Variants in HCN2 observed in about 807,000 individuals in gnomAD.
HCN2 encodes the protein potassium/sodium hyperpolarization-activated cyclic nucleotide-gated channel 2.
A neutral mutation model predicts 52.3 loss-of-function variants in HCN2; 20 were observed. The ratio of observed to expected loss-of-function variants is 0.38; its 90% CI spans 0.27 to 0.56. The LOEUF is 0.56. Ranked by LOEUF, HCN2 falls within the 20% of genes least tolerant of loss-of-function variation. The probability of loss-of-function intolerance (pLI) is 0.71; values close to 1 mark genes in which losing one functional copy is unlikely to be tolerated. For missense variants in HCN2, 981 were observed against 1,207.7 expected (o/e 0.81, Z 2.78); for synonymous variants, 694 against 537.0 (o/e 1.29, Z -4.04).
intron 3 of HCN2, among the ~76,000 whole-genome samples, chr19:606,282 G>A (rs753710559): frequency 2.0e-5 from 3 of 151,968 alleles, no homozygotes; most frequent in Non-Finnish European, 2.9e-5. Flanking sequence ...CGTACTTTTA[G>A]TAGAGACGGG....
Position 616,922 on chromosome 19 carries a change from G to A in HCN2, c.*448G>A, listed in dbSNP as rs1027382310. 60 of 355,668 alleles carry A rather than the reference G, an allele frequency of 1.7e-4. No homozygotes were observed. The highest frequency in any genetic ancestry group is 2.7e-4 in the Admixed American group (6 of 21,870). The allele number at this position is 355,668 out of a possible 1,614,324, so 22.0% of individuals were successfully genotyped here. On this transcript the variant is annotated 3_prime_UTR_variant, in exon 8 of 8. Transcript: ENST00000251287. ...CCCCATCGCGCTCACGCAATAACCG[G>A]CCCGGCCCCCGTCCGCGCGCGTCCC...
chr19:609,098 C>T (rs911828921), intron 4 of HCN2, among the ~76,000 whole-genome samples: 11 of 152,328 alleles, frequency 7.2e-5, no homozygotes, highest in Non-Finnish European at 1.5e-4. Flanking sequence ...GCTGGGTCAG[C>T]TGGGCCCCGT....
intron 4 of HCN2, among the ~76,000 whole-genome samples, chr19:609,296 C>T (rs1183175833): frequency 1.3e-5 from 2 of 152,216 alleles, no homozygotes; most frequent in Non-Finnish European, 2.9e-5. Flanking sequence ...CACCCCCGCC[C>T]AGCACCCACG....
chr19:613,514 A>T, intron 6 of HCN2, 26 bp downstream of exon 6: 1 of 326,556 alleles, frequency 3.1e-6, no homozygotes, highest in Non-Finnish European at 5.0e-6. Flanking sequence ...GCGCGCCTGG[A>T]GGGGGAGGGG....
rs776151062 is a variant in HCN2, at chr19:608,024, T to A, written c.1279T>A (p.Cys427Ser). ...CTTCAAGGCCATGAGCCACATGCTG[T>A]GCATCGGGTACGGCCGGCAGGCGCC... Reference protein sequence around the residue: ...ALFKAMSHMLCIGYGRQAPES... With the variant: ...ALFKAMSHMLSIGYGRQAPES... The change falls in exon 4 of 8, where the codon TGC (cysteine) becomes AGC (serine). Residue 427 changes from cysteine to serine, a missense_variant. Cys to Ser is a moderately radical substitution (Grantham distance 112). Transcript: ENST00000251287. 6.2e-7 allele frequency: 1 copy of A among 1,613,128 alleles called. No individual in the cohort carries two copies. The highest frequency in any genetic ancestry group is 8.5e-7 in the Non-Finnish European group (1 of 1,180,024).
intron 5 of HCN2, among the ~76,000 whole-genome samples, chr19:612,145 A>C (rs1256324699): frequency 7.2e-6 from 1 of 138,238 alleles, no homozygotes; most frequent in African/African-American, 3.0e-5. Context: ...ACTCCGTCTC[A>C]AAAAAAAAAA....
Position 590,121 on chromosome 19 carries a change from A to T in HCN2, c.176A>T (p.Glu59Val), listed in dbSNP as rs1224045021. The change falls in exon 1 of 8, where the codon GAG becomes GTG. Residue 59 changes from glutamate (E) to valine (V), a missense_variant. By Grantham distance (121) the Glu-to-Val change is moderately radical. Around this residue, in one of 6 missense-constraint regions of HCN2, gnomAD observed 215 missense variants for 179.4 expected, o/e 1.20. Coordinates refer to ENST00000251287, the MANE Select transcript of HCN2 (RefSeq NM_001194.4). This position sits in a 1 kb window ranked among gnomAD's most constrained non-coding sequence, Gnocchi z 7.2. Reference protein sequence around the residue: ...PAPPQHPPRAEALPPEAADEG... With the variant: ...PAPPQHPPRAVALPPEAADEG... ...CCCCCCCAGCACCCGCCCCGGGCCG[A>T]GGCGTTGCCCCCGGAGGCGGCGGAT... 1 of 862,728 alleles carries T rather than the reference A, an allele frequency of 1.2e-6. No homozygotes were observed. The highest frequency in any genetic ancestry group is 1.9e-5 in the African/African-American group (1 of 51,840). The allele number at this position is 862,728 out of a possible 1,614,324, so 53.4% of individuals were successfully genotyped here.
chr19:603,265 GGGGGGAAGGCACCAGCC>G (rs1983276020), intron 1 of HCN2, among the ~76,000 whole-genome samples: 1 of 30,126 alleles, frequency 3.3e-5, no homozygotes, highest in East Asian at 1.6e-3. Flanking sequence ...ATAGGTGCCT[GGGGGGAAGGCACCAGCC>G]TGAGGTGTGG....
chr19:590,586 TC>T lies in HCN2; in HGVS notation c.632+11del, dbSNP rs1982839469. 2 of 1,402,016 alleles carry T rather than the reference TC, an allele frequency of 1.4e-6. No individual in the cohort carries two copies. Among genetic ancestry groups the T allele is most frequent in the Non-Finnish European group, 1.9e-6 (2 of 1,060,536 alleles). The allele number at this position is 1,402,016 out of a possible 1,614,324, so 86.8% of individuals were successfully genotyped here. On this transcript the variant is annotated intron_variant, in intron 1 of 7. Transcript: ENST00000251287. The surrounding 1 kb of genome is among the most constrained non-coding windows in gnomAD (Gnocchi z 7.2). ...CCGTACAGCGACTTCAGGTACCGCC[TC>T]CGGGAGGGCCGGTCGGCGCGAGGGG...
In HCN2 at chr19:590,873, A is replaced by T. The variant is rs928231476; in HGVS notation, c.632+296A>T. ...GGCCGCAGGGCCAGGGTCTGAGCGC[A>T]GAGGGGCAGAGAGGACGAATAGAGG... On this transcript the variant is annotated intron_variant, in intron 1 of 7. Transcript: ENST00000251287. The surrounding 1 kb of genome is among the most constrained non-coding windows in gnomAD (Gnocchi z 7.2). The T allele has an allele frequency of 4.7e-6, 1 of 210,796 alleles. No individual in the cohort carries two copies. Among genetic ancestry groups the T allele is most frequent in the Non-Finnish European group, 9.4e-6 (1 of 106,514 alleles). The allele number at this position is 210,796 out of a possible 1,614,324, so 13.1% of individuals were successfully genotyped here.
chr19:608,294 C>A, intron 4 of HCN2, 112 bp downstream of exon 4: 1 of 961,732 alleles, frequency 1.0e-6, no homozygotes, highest in Non-Finnish European at 1.6e-6. Flanking sequence ...GAGGCAGGCC[C>A]GGTCCTGGGG....
intron 5 of HCN2, 102 bp from the exon 6 acceptor site, chr19:613,146 C>A: frequency 7.0e-7 from 1 of 1,429,424 alleles, no homozygotes; most frequent in Non-Finnish European, 9.4e-7. Context: ...GTCTCTCAGA[C>A]GAGGAAACTG....
intron 4 of HCN2, among the ~76,000 whole-genome samples, chr19:609,388 G>T (rs907330991): frequency 6.6e-6 from 1 of 152,230 alleles, no homozygotes; most frequent in Non-Finnish European, 1.5e-5. Context: ...CGGGAAGGGG[G>T]TCCTGTGTGT....
At chr19:593,847 G>C (rs1420082065) in intron 1 of HCN2, among the ~76,000 whole-genome samples, 1 of 152,158 alleles carries the variant, frequency 6.6e-6, no homozygotes, top group Non-Finnish European at 1.5e-5. Flanking sequence ...GCCTGAATTG[G>C]AACAGGCGTG....
At chr19:611,028 C>CT (rs1056352185) in intron 5 of HCN2, among the ~76,000 whole-genome samples, 4 of 152,164 alleles carry the variant, frequency 2.6e-5, no homozygotes, top group Admixed American at 2.6e-4. Flanking sequence ...TGCTCACAGC[C>CT]TTCTCCCCTG....
Position 596,584 on chromosome 19 carries a change from A to T in HCN2, c.632+6007A>T, listed in dbSNP as rs112741018. ...GGATGGGTTTTAAATACAGGATTTA[A>T]TGATGGTCACTGATGTTTCTGTGAC... is the stretch of plus-strand genomic sequence containing the variant. On this transcript the variant is annotated intron_variant, in intron 1 of 7. Coordinates refer to ENST00000251287, the MANE Select transcript of HCN2 (RefSeq NM_001194.4). Among the ~76,000 whole-genome samples, 443 of 152,324 alleles carry T rather than the reference A, an allele frequency of 2.9e-3. 3 individuals are homozygous for T. The highest frequency in any genetic ancestry group is 0.01 in the African/African-American group (426 of 41,576).
chr19:609,440 C>T (rs1270690833), intron 4 of HCN2, among the ~76,000 whole-genome samples: 2 of 152,206 alleles, frequency 1.3e-5, no homozygotes, highest in Non-Finnish European at 2.9e-5. Context: ...AGGTGCCCAC[C>T]CATTCCTCAG....
chr19:609,991 C>G (rs1053653124), intron 4 of HCN2, among the ~76,000 whole-genome samples: 1 of 152,244 alleles, frequency 6.6e-6, no homozygotes, highest in Non-Finnish European at 1.5e-5. Flanking sequence ...CTGGCCGCCC[C>G]TGTGTGTGGC....
In HCN2 at chr19:590,289, A is replaced by G. The variant is rs935565268; in HGVS notation, c.344A>G (p.Glu115Gly). Residue 115 changes from glutamate (E) to glycine (G), a missense_variant, in exon 1 of 8, where the codon GAG becomes GGG. Coordinates refer to ENST00000251287, the MANE Select transcript of HCN2 (RefSeq NM_001194.4). The surrounding 1 kb of genome is among the most constrained non-coding windows in gnomAD (Gnocchi z 7.2). Reference sequence around the variant, plus strand: ...CCGCAGTGCAGCCCCGCGGGGCCCGAGGGCCCGGCGCGGGGGCCCAAGGTG... The same window carrying G: ...CCGCAGTGCAGCCCCGCGGGGCCCGGGGGCCCGGCGCGGGGGCCCAAGGTG... Reference protein sequence around the residue: ...GEPQCSPAGPEGPARGPKVSF... With the variant: ...GEPQCSPAGPGGPARGPKVSF... The G allele has an allele frequency of 7.1e-6, 7 of 990,038 alleles. No homozygotes were observed. In the African/African-American group the frequency reaches 1.3e-4, roughly 18 times the overall value. 61.3% of individuals were successfully genotyped at this position (990,038 alleles called of 1,614,324 possible). A position where few individuals can be genotyped will look rare whatever the true frequency, so the allele number is the denominator to read the frequency against.
Sources: allele counts gnomAD v4.1 joint callset (sites outside exome capture counted in the v4.1 genomes callset), GRCh38; gene constraint gnomAD v4.1.1; regional missense constraint gnomAD v4.1.1; non-coding constraint Gnocchi (gnomAD v3.1); transcripts MANE v1.5; gene names NCBI Gene and HGNC (gene_info 2026-07-23, HGNC 2026-07-21).